Variants in TOM1L2 observed in about 807,000 individuals in gnomAD.
TOM1L2 encodes the protein target of myb1 like 2 membrane trafficking protein, also known as TOM1-like protein 2.
A neutral mutation model predicts 67.9 loss-of-function variants in TOM1L2; 31 were observed. The ratio of observed to expected loss-of-function variants is 0.46; its 90% CI spans 0.34 to 0.62. The LOEUF is 0.62. TOM1L2 is among the 20% of genes least tolerant of loss of function. The probability of loss-of-function intolerance (pLI) is 0.01; values close to 1 mark genes in which losing one functional copy is unlikely to be tolerated. For missense variants in TOM1L2, 606 were observed against 663.5 expected (o/e 0.91, Z 0.95); for synonymous variants, 256 against 254.0 (o/e 1.01, Z -0.07).
chr17:17,849,049 C>T, intron 13 of TOM1L2, 190 bp from the exon 14 acceptor site: 1 of 546,250 alleles, frequency 1.8e-6, no homozygotes, highest in South Asian at 2.5e-5. Context: ...GAAACAGAAG[C>T]TTTGTTTTTA....
At chr17:17,939,653 T>C (rs184673889) in intron 1 of TOM1L2, among the ~76,000 whole-genome samples, 20 of 152,380 alleles carry the variant, frequency 1.3e-4, no homozygotes, top group Middle Eastern at 6.8e-3. Context: ...AAGTTCATTA[T>C]ACTATTCTAC....
rs574269700 is a variant in TOM1L2, at chr17:17,914,295, C to T, written c.53-6764G>A. On this transcript the variant is annotated intron_variant, in intron 1 of 14. Transcript: ENST00000379504. The stretch of plus-strand genomic sequence containing the variant: ...AGGGTGACAGGGCACACTGCTGTCT[C>T]AGTGGCTACATTGTGTCCTCCCCCT... Among the ~76,000 whole-genome samples, 18 of 152,316 alleles carry T rather than the reference C, an allele frequency of 1.2e-4. No individual in the cohort carries two copies. In the East Asian group the frequency reaches 3.3e-3, roughly 28 times the overall value.
chr17:17,888,838 G>A (rs1395185261), intron 4 of TOM1L2, among the ~76,000 whole-genome samples: 4 of 152,194 alleles, frequency 2.6e-5, no homozygotes, highest in Admixed American at 2.0e-4. Context: ...CATCCTTTTT[G>A]TCTTCTCAAC....
At chr17:17,889,573 C>T (rs1197972143) in intron 4 of TOM1L2, among the ~76,000 whole-genome samples, 1 of 152,178 alleles carries the variant, frequency 6.6e-6, no homozygotes, top group Admixed American at 6.5e-5. Flanking sequence ...TGGGTTCTAC[C>T]TCTGCCAGGA....
chr17:17,850,947 G>A lies in TOM1L2; in HGVS notation c.1284C>T (p.Pro428=), dbSNP rs767967807. 1.1e-5 allele frequency: 18 copies of A among 1,613,734 alleles called. No homozygotes were observed. The highest frequency in any genetic ancestry group is 8.9e-5 in the East Asian group (4 of 44,902). The change falls in exon 13 of 15, where the codon CCC becomes CCT. Residue 428 remains proline (P), a synonymous_variant. Transcript: ENST00000379504. ...CGTCCATGACAGATGGCTGCGCAAC[G>A]GGGATCTATGGAGGCGGCAAGCAGC... ...DNRKQSSEGI[P]VAQPSVMDDI...
rs2035643094 is a variant in TOM1L2, at chr17:17,846,356, GGGA to G, written c.*1276_*1278del. 6.6e-6 allele frequency: 1 copy of G among 152,474 alleles called. No individual in the cohort carries two copies. Among genetic ancestry groups the G allele is most frequent in the African/African-American group, 2.4e-5 (1 of 41,484 alleles). The allele number at this position is 152,474 out of a possible 1,614,324, so 9.4% of individuals were successfully genotyped here. ...TCCTTCTGAGCAACAGCAGCCTGGTGGGAGGTGTGGGGCCAGGTGTCTGGCTGG... is the reference window on the plus strand; with the variant it reads ...TCCTTCTGAGCAACAGCAGCCTGGTGGGTGTGGGGCCAGGTGTCTGGCTGG... On this transcript the variant is annotated 3_prime_UTR_variant, in exon 15 of 15. Coordinates refer to ENST00000379504, the MANE Select transcript of TOM1L2 (RefSeq NM_001082968.2).
At chr17:17,858,250 G>C (rs752794342) in intron 12 of TOM1L2, 2 of 156,522 alleles carry the variant, frequency 1.3e-5, no homozygotes, top group Non-Finnish European at 2.7e-5. Flanking sequence ...TTTTCTAGTG[G>C]CATGTGTATT....
At chr17:17,924,364 TA>T (rs994392940) in intron 1 of TOM1L2, among the ~76,000 whole-genome samples, 8 of 152,112 alleles carry the variant, frequency 5.3e-5, no homozygotes, top group South Asian at 2.1e-4. Context: ...CAATGTTTTT[TA>T]AAAAAAACTC....
chr17:17,905,125 C>A (rs181575621), intron 2 of TOM1L2, among the ~76,000 whole-genome samples: 1 of 152,182 alleles, frequency 6.6e-6, no homozygotes. Context: ...ATGTGTAGTC[C>A]CTAACAACTA....
intron 13 of TOM1L2, among the ~76,000 whole-genome samples, chr17:17,850,033 A>G (rs755601838): frequency 1.3e-5 from 2 of 152,208 alleles, no homozygotes; most frequent in Non-Finnish European, 2.9e-5. Context: ...GCCCACAGAC[A>G]GCCAGGCTGA....
intron 12 of TOM1L2, among the ~76,000 whole-genome samples, chr17:17,852,594 G>A (rs577414052): frequency 6.6e-6 from 1 of 152,302 alleles, no homozygotes; most frequent in Admixed American, 6.5e-5. Flanking sequence ...AGCAGGGCAC[G>A]GTGGCTCATG....
intron 3 of TOM1L2, among the ~76,000 whole-genome samples, chr17:17,897,673 C>T (rs1360325203): frequency 6.6e-6 from 1 of 152,108 alleles, no homozygotes; most frequent in Non-Finnish European, 1.5e-5. Flanking sequence ...TTTCAAGAGT[C>T]TTTGTAGCTA....
chr17:17,905,571 C>G lies in TOM1L2; in HGVS notation c.137+1876G>C, dbSNP rs186818700. 2.1e-4 allele frequency among the ~76,000 whole-genome samples: 32 copies of G among 152,322 alleles called. 1 individual carries two copies. The highest frequency in any genetic ancestry group is 2.1e-3 in the Admixed American group (32 of 15,300). On this transcript the variant is annotated intron_variant, in intron 2 of 14. Transcript: ENST00000379504. Reference sequence around the variant, plus strand: ...TTTTCTTTTTAGAGACAGGGTCTTACTCTGTCGCCCAGGCTAGAATGCAGT... The same window carrying G: ...TTTTCTTTTTAGAGACAGGGTCTTAGTCTGTCGCCCAGGCTAGAATGCAGT...
At chr17:17,963,622 G>A (rs977288080) in intron 1 of TOM1L2, among the ~76,000 whole-genome samples, 4 of 152,232 alleles carry the variant, frequency 2.6e-5, no homozygotes, top group Non-Finnish European at 4.4e-5. Context: ...CTGGCACATG[G>A]TGAGGGGCCA....
rs554671519 is a variant in TOM1L2 at position 17,941,411 on chromosome 17, G to C, written c.52+30851C>G. On this transcript the variant is annotated intron_variant, in intron 1 of 14. Transcript: ENST00000379504. ...GCTTGGCTTCCTTGTTTAAAATCTT[G>C]GTTTTAAACAAGTTTAAACTTCATG... 5.9e-5 allele frequency among the ~76,000 whole-genome samples: 9 copies of C among 152,028 alleles called. No individual in the cohort carries two copies. The East Asian group carries it at 1.2e-3, about 20-fold the overall frequency.
At chr17:17,871,153 G>A (rs1451841288) in intron 7 of TOM1L2, among the ~76,000 whole-genome samples, 2 of 149,610 alleles carry the variant, frequency 1.3e-5, no homozygotes, top group South Asian at 2.1e-4. Flanking sequence ...GATGGATCAC[G>A]AGGTCAGGAG....
intron 12 of TOM1L2, chr17:17,857,862 A>C (rs2036331859): frequency 6.5e-7 from 1 of 1,535,420 alleles, no homozygotes; most frequent in South Asian, 1.2e-5. Flanking sequence ...AAGTCTCAGA[A>C]AGAAAAGTCA....
chr17:17,886,826 G>A (rs1279344525), intron 4 of TOM1L2, among the ~76,000 whole-genome samples: 1 of 149,774 alleles, frequency 6.7e-6, no homozygotes, highest in Non-Finnish European at 1.5e-5. Flanking sequence ...CATGTTCACA[G>A]AGACAGACTG....
Position 17,847,670 on chromosome 17 carries a change from G to A in TOM1L2, c.1489C>T (p.Pro497Ser). ...AAGAGGGCATCCTCTGACCGCTCTGGCTTCTTCCGGCCAGAAGGGTTTGAG... is the reference window on the plus strand; with the variant it reads ...AAGAGGGCATCCTCTGACCGCTCTGACTTCTTCCGGCCAGAAGGGTTTGAG... ...PASNPSGRKK[P>S]ERSEDALFAL is the part of the protein sequence containing the mutation. The change falls in exon 15 of 15, where the codon CCA becomes TCA. Residue 497 changes from proline to serine, a missense_variant. Pro to Ser is a moderately conservative substitution (Grantham distance 74). Around this residue, in one of 2 missense-constraint regions of TOM1L2, gnomAD observed 543 missense variants for 554.0 expected, o/e 0.98. Coordinates refer to ENST00000379504, the MANE Select transcript of TOM1L2 (RefSeq NM_001082968.2). 6.2e-7 allele frequency: 1 copy of A among 1,613,818 alleles called. No individual in the cohort carries two copies. The highest frequency in any genetic ancestry group is 2.2e-5 in the East Asian group (1 of 44,886).
Sources: gnomAD v4.1 joint callset for allele counts (sites outside exome capture counted in the v4.1 genomes callset) on GRCh38, gnomAD v4.1.1 for gene constraint, gnomAD v4.1.1 regional missense constraint, MANE v1.5 for transcripts, NCBI Gene and HGNC (gene_info 2026-07-23, HGNC 2026-07-21) for gene names.